The following TAS2R1 variants were observed in gnomAD, a reference collection of about 807,000 sequenced individuals.
The protein encoded by TAS2R1 is taste 2 receptor member 1.
For synonymous variants in TAS2R1, 141 were observed against 134.2 expected (o/e 1.05, Z -0.35); for missense variants, 370 against 353.4 (o/e 1.05, Z -0.38).
chr5:9,808,956 G>A, the TAS2R1 span, among the ~76,000 whole-genome samples: 1 of 152,290 alleles, frequency 6.6e-6, no homozygotes, highest in South Asian at 2.1e-4. Context: ...GAATGATGCT[G>A]CCATCATTGT....
the TAS2R1 span, among the ~76,000 whole-genome samples, chr5:9,799,822 T>C: frequency 6.6e-6 from 1 of 152,236 alleles, no homozygotes; most frequent in African/African-American, 2.4e-5. Context: ...CAGATGTTTG[T>C]TCTCAAGCAC....
chr5:9,771,695 T>C, the TAS2R1 span, among the ~76,000 whole-genome samples: 1 of 152,234 alleles, frequency 6.6e-6, no homozygotes, highest in Non-Finnish European at 1.5e-5. Flanking sequence ...TGTTATTTGT[T>C]ATTAGTCTGT....
At chr5:9,697,618 A>G (rs1304586205) in intron 1 of TAS2R1, among the ~76,000 whole-genome samples, 1 of 152,194 alleles carries the variant, frequency 6.6e-6, no homozygotes, top group African/African-American at 2.4e-5. Flanking sequence ...GTATGAGAAG[A>G]TAGATATTTT....
At chr5:9,638,119 T>G (rs1490624301) in intron 2 of TAS2R1, among the ~76,000 whole-genome samples, 1 of 152,210 alleles carries the variant, frequency 6.6e-6, no homozygotes, top group Non-Finnish European at 1.5e-5. Context: ...GGGTGATCCC[T>G]CAATGTGGTG....
chr5:9,875,098 AC>A, the TAS2R1 span, among the ~76,000 whole-genome samples: 1 of 152,192 alleles, frequency 6.6e-6, no homozygotes, highest in Non-Finnish European at 1.5e-5. Context: ...CAGGGTACTG[AC>A]AGACTTCATG....
At chr5:9,888,992 G>A in the TAS2R1 span, among the ~76,000 whole-genome samples, 2 of 152,236 alleles carry the variant, frequency 1.3e-5, no homozygotes, top group Admixed American at 1.3e-4. Context: ...AAGCCTGAAG[G>A]CCAACTTGAG....
intron 1 of TAS2R1, among the ~76,000 whole-genome samples, chr5:9,666,005 T>C (rs748288650): frequency 1.5e-4 from 23 of 152,246 alleles, no homozygotes; most frequent in Non-Finnish European, 2.8e-4. Flanking sequence ...GTATGACTTA[T>C]ATGCATTAGA....
At chr5:9,791,001 G>T in the TAS2R1 span, among the ~76,000 whole-genome samples, 228 of 152,262 alleles carry the variant, frequency 1.5e-3, no homozygotes, top group African/African-American at 5.2e-3. Context: ...TTGGAGCATG[G>T]TCTGTGGCCC....
chr5:9,709,510 A>G (rs1400286947), intron 1 of TAS2R1, among the ~76,000 whole-genome samples: 2 of 152,054 alleles, frequency 1.3e-5, no homozygotes, highest in African/African-American at 4.8e-5. Flanking sequence ...GTCCCCTCCC[A>G]CTGGTTGGGT....
chr5:9,708,057 C>T (rs570971065), intron 1 of TAS2R1, among the ~76,000 whole-genome samples: 4 of 152,246 alleles, frequency 2.6e-5, no homozygotes, highest in East Asian at 1.9e-4. Flanking sequence ...TCTGTCTTTA[C>T]GGCGCAAGCT....
the TAS2R1 span, among the ~76,000 whole-genome samples, chr5:9,724,212 T>C: frequency 5.9e-5 from 9 of 152,304 alleles, no homozygotes; most frequent in South Asian, 1.7e-3. Context: ...AGAACCATAT[T>C]TGTGGCCCAC....
the TAS2R1 span, chr5:9,883,940 A>G: frequency 6.6e-6 from 1 of 152,226 alleles, no homozygotes; most frequent in Non-Finnish European, 1.5e-5. Context: ...GAGGCTAGGC[A>G]GTCCAGAGGC....
rs951695505 is a variant in TAS2R1, at chr5:9,662,543, G to A, written c.-241-2962C>T. On this transcript the variant is annotated intron_variant, in intron 1 of 2. Transcript: ENST00000506620. ...TCATATGGCCACATCTAACTCCAGC[G>A]GAGTTGGAGGTGATTTCTTACAGGT... is the stretch of plus-strand genomic sequence containing the variant. 3.9e-5 allele frequency among the ~76,000 whole-genome samples: 6 copies of A among 152,170 alleles called. No individual in the cohort carries two copies. The East Asian group carries it at 5.8e-4, about 15-fold the overall frequency.
chr5:9,706,320 T>C (rs957965163), intron 1 of TAS2R1, among the ~76,000 whole-genome samples: 8 of 152,284 alleles, frequency 5.3e-5, no homozygotes, highest in African/African-American at 1.9e-4. Flanking sequence ...GGAACTGGCC[T>C]GGCCTGCGAA....
chr5:9,775,275 T>C, the TAS2R1 span, among the ~76,000 whole-genome samples: 1 of 152,342 alleles, frequency 6.6e-6, no homozygotes, highest in African/African-American at 2.4e-5. Context: ...CTAAGGGCTC[T>C]TTAGTCAGCT....
chr5:9,868,460 T>C, the TAS2R1 span, among the ~76,000 whole-genome samples: 8 of 152,328 alleles, frequency 5.3e-5, no homozygotes, highest in African/African-American at 1.9e-4. Context: ...TGGCCCCTTT[T>C]AGCCACAGCT....
At chr5:9,842,608 C>G in the TAS2R1 span, among the ~76,000 whole-genome samples, 2 of 152,154 alleles carry the variant, frequency 1.3e-5, no homozygotes, top group Non-Finnish European at 2.9e-5. Flanking sequence ...CAGGCATGAG[C>G]CACTGTGCCC....
At chr5:9,658,400 G>A (rs1002110754) in intron 2 of TAS2R1, 8 of 152,182 alleles carry the variant, frequency 5.3e-5, no homozygotes, top group African/African-American at 1.4e-4. Context: ...TTGTAACCAT[G>A]ATTCTTATAC....
chr5:9,783,061 C>T, the TAS2R1 span, among the ~76,000 whole-genome samples: 5 of 152,126 alleles, frequency 3.3e-5, no homozygotes, highest in East Asian at 1.9e-4. Flanking sequence ...GCAGAAGGGG[C>T]GTGTCTCCTG....
Sources: allele counts gnomAD v4.1 joint callset (sites outside exome capture counted in the v4.1 genomes callset), GRCh38; gene constraint gnomAD v4.1.1; transcripts MANE v1.5; gene names NCBI Gene and HGNC (gene_info 2026-07-23, HGNC 2026-07-21).